BEAN1: variants seen among roughly 807,000 people sequenced by gnomAD.
BEAN1 encodes the protein brain expressed associated with NEDD4 1.
In BEAN1, 17 loss-of-function variants were observed where a neutral mutation model predicts 17.7. The ratio of observed to expected loss-of-function variants is 0.96; its 90% CI spans 0.66 to 1.44. The LOEUF is 1.44. BEAN1 is among the 40% of genes most tolerant of loss of function. The pLI is 0.00. For missense variants in BEAN1, 359 were observed against 374.1 expected (o/e 0.96, Z 0.33); for synonymous variants, 142 against 151.8 (o/e 0.94, Z 0.47).
chr16:66,450,882 A>G (rs1216857824), intron 2 of BEAN1: 2 of 152,238 alleles, frequency 1.3e-5, no homozygotes, highest in Non-Finnish European at 2.9e-5. Flanking sequence ...CTAGGTAAAT[A>G]TCACACATTT....
intron 2 of BEAN1, among the ~76,000 whole-genome samples, chr16:66,467,642 CTT>C (rs1236898546): frequency 6.6e-6 from 1 of 152,214 alleles, no homozygotes; most frequent in Non-Finnish European, 1.5e-5. Context: ...TGGAGTCACT[CTT>C]GTCTCCACAC....
chr16:66,464,382 C>G (rs545572839), intron 2 of BEAN1, among the ~76,000 whole-genome samples: 4 of 152,138 alleles, frequency 2.6e-5, no homozygotes, highest in African/African-American at 4.8e-5. Context: ...CGCTCTGTCA[C>G]CCAGAATGGA....
At position 66,481,519 on chromosome 16, in the gene BEAN1, T is replaced by C; in HGVS notation, c.*594T>C. 3.0e-6 allele frequency: 1 copy of C among 333,440 alleles called. No homozygotes were observed. Among genetic ancestry groups the C allele is most frequent in the Middle Eastern group, 7.7e-4 (1 of 1,298 alleles). The allele number at this position is 333,440 out of a possible 1,614,324, so 20.7% of individuals were successfully genotyped here. ...GCCACAACATCACCACCCTGCCACT[T>C]ACAAGGTGGGGGACCTGGGTCTGGG... On this transcript the variant is annotated 3_prime_UTR_variant, in exon 5 of 5. Coordinates refer to ENST00000536005, the MANE Select transcript of BEAN1 (RefSeq NM_001178020.3). The surrounding 1 kb of genome is among the most constrained non-coding windows in gnomAD (Gnocchi z 4.1).
intron 2 of BEAN1, among the ~76,000 whole-genome samples, chr16:66,453,323 G>T (rs529544426): frequency 1.3e-5 from 2 of 150,314 alleles, no homozygotes; most frequent in African/African-American, 2.5e-5. Context: ...ACTATGTTGT[G>T]TTTTTTTTCA....
chr16:66,474,557 AGAGG>A (rs1204256694), intron 3 of BEAN1, among the ~76,000 whole-genome samples: 1 of 75,932 alleles, frequency 1.3e-5, no homozygotes. Context: ...AGGGAGGGAG[AGAGG>A]GAGGGAGAGA....
rs1963985484 is a variant in BEAN1, at chr16:66,481,489, G to A, written c.*564G>A. The A allele has an allele frequency of 2.7e-6, 1 of 371,450 alleles. No individual in the cohort carries two copies. 23.0% of individuals were successfully genotyped at this position (371,450 alleles called of 1,614,324 possible). On this transcript the variant is annotated 3_prime_UTR_variant, in exon 5 of 5. Transcript: ENST00000536005. This position sits in a 1 kb window ranked among gnomAD's most constrained non-coding sequence, Gnocchi z 4.1. ...GTGCCTATCTCTCGATTCCAGGGCA[G>A]ATGAGCCACAACATCACCACCCTGC...
In BEAN1 at chr16:66,482,478, C is replaced by T. The variant is rs1185362530; in HGVS notation, c.*1553C>T. Reference sequence around the variant, plus strand: ...AAGTTCTGTAGCATCCTGCGTGCAGCCTCCTGGAGCCCCAGACTCCATCTG... The same window carrying T: ...AAGTTCTGTAGCATCCTGCGTGCAGTCTCCTGGAGCCCCAGACTCCATCTG... On this transcript the variant is annotated 3_prime_UTR_variant, in exon 5 of 5. Coordinates refer to ENST00000536005, the MANE Select transcript of BEAN1 (RefSeq NM_001178020.3). The T allele has an allele frequency of 5.4e-6, 1 of 185,442 alleles. No homozygotes were observed. Among genetic ancestry groups the T allele is most frequent in the African/African-American group, 2.4e-5 (1 of 41,644 alleles). The allele number at this position is 185,442 out of a possible 1,614,324, so 11.5% of individuals were successfully genotyped here.
In BEAN1 at chr16:66,444,669, G is replaced by T. The variant is rs142269468; in HGVS notation, c.25+6968G>T. Among the ~76,000 whole-genome samples the T allele has an allele frequency of 2.0e-5, 3 of 152,314 alleles. No homozygotes were observed. In the East Asian group the frequency reaches 5.8e-4, roughly 29 times the overall value. On this transcript the variant is annotated intron_variant, in intron 2 of 4. Coordinates refer to ENST00000536005, the MANE Select transcript of BEAN1 (RefSeq NM_001178020.3). ...TTTTGGAGCACACAGACCTGAGTTTGAATCTTGCTCACATCATTTGTGTAC... is the reference window on the plus strand; with the variant it reads ...TTTTGGAGCACACAGACCTGAGTTTTAATCTTGCTCACATCATTTGTGTAC...
chr16:66,436,480 G>A (rs530834246), intron 1 of BEAN1, among the ~76,000 whole-genome samples: 64 of 148,732 alleles, frequency 4.3e-4, no homozygotes, highest in Admixed American at 3.3e-3. Context: ...GGGTTTCACC[G>A]TGTTAGCCAG....
intron 1 of BEAN1, among the ~76,000 whole-genome samples, chr16:66,430,456 T>A (rs1253919580): frequency 3.9e-5 from 6 of 152,226 alleles, no homozygotes; most frequent in Non-Finnish European, 7.3e-5. Context: ...CTATGACTCA[T>A]CCTAATTGTA....
chr16:66,474,826 A>T (rs1320113439), intron 3 of BEAN1, among the ~76,000 whole-genome samples: 1 of 152,242 alleles, frequency 6.6e-6, no homozygotes, highest in East Asian at 1.9e-4. Context: ...CTTGAGCTTT[A>T]AGAGAGATCT....
chr16:66,485,458 C>T (rs978791882), downstream of BEAN1: 8 of 304,000 alleles, frequency 2.6e-5, no homozygotes, highest in African/African-American at 1.1e-4. Context: ...TAAGCTTCAT[C>T]GTCTGAGGAA....
rs138955160 is a variant in BEAN1, at chr16:66,438,067, G to A, written c.25+366G>A. 1,197 of 346,262 alleles carry A rather than the reference G, an allele frequency of 3.5e-3. 2 individuals are homozygous for A. Among genetic ancestry groups the A allele is most frequent in the African/African-American group, 0.011 (505 of 47,900 alleles). 21.4% of individuals were successfully genotyped at this position (346,262 alleles called of 1,614,324 possible). A position where few individuals can be genotyped will look rare whatever the true frequency, so the allele number is the denominator to read the frequency against. ...GTCATGTTAAGAAAGTTTTGCTCCTGCAAGACTTTCCTGAGCTTTTAATAT... is the reference window on the plus strand; with the variant it reads ...GTCATGTTAAGAAAGTTTTGCTCCTACAAGACTTTCCTGAGCTTTTAATAT... On this transcript the variant is annotated intron_variant, in intron 2 of 4. Coordinates refer to ENST00000536005, the MANE Select transcript of BEAN1 (RefSeq NM_001178020.3).
At chr16:66,433,101 T>G (rs1008320562) in intron 1 of BEAN1, among the ~76,000 whole-genome samples, 26 of 151,410 alleles carry the variant, frequency 1.7e-4, no homozygotes, top group Non-Finnish European at 3.2e-4. Context: ...ATTTATTTAT[T>G]TATTTTTATT....
intron 2 of BEAN1, among the ~76,000 whole-genome samples, chr16:66,445,688 G>C (rs778018072): frequency 6.6e-6 from 1 of 152,024 alleles, no homozygotes; most frequent in African/African-American, 2.4e-5. Flanking sequence ...TGAAGGCCAG[G>C]GTGCCTGAAG....
Position 66,480,853 on chromosome 16 carries a change from A to G in BEAN1, c.708A>G (p.Pro236=), listed in dbSNP as rs568073514. The part of the protein sequence containing the change: ...SGLLPLPGPD[P]GPRGSQGSPT... ...TGCTGCCACTGCCGGGCCCAGACCC[A>G]GGGCCAAGGGGCTCCCAGGGCTCAC... The change falls in exon 5 of 5, where the codon CCA becomes CCG. Residue 236 remains proline (P), a synonymous_variant. Coordinates refer to ENST00000536005, the MANE Select transcript of BEAN1 (RefSeq NM_001178020.3). The G allele has an allele frequency of 1.3e-6, 2 of 1,507,736 alleles. No homozygotes were observed. The highest frequency in any genetic ancestry group is 1.8e-6 in the Non-Finnish European group (2 of 1,122,044). The allele number at this position is 1,507,736 out of a possible 1,614,324, so 93.4% of individuals were successfully genotyped here. A position where few individuals can be genotyped will look rare whatever the true frequency, so the allele number is the denominator to read the frequency against.
chr16:66,451,333 C>T (rs1289407704), intron 2 of BEAN1: 1 of 152,228 alleles, frequency 6.6e-6, no homozygotes, highest in African/African-American at 2.4e-5. Flanking sequence ...CAAAATCTTT[C>T]ACTTGTTCCA....
intron 2 of BEAN1, among the ~76,000 whole-genome samples, chr16:66,447,247 G>A (rs911023830): frequency 2.0e-5 from 3 of 152,186 alleles, no homozygotes; most frequent in African/African-American, 7.2e-5. Context: ...CCCTAGGAAT[G>A]GGCCTAAGGA....
At chr16:66,480,152 G>A (rs903092307) in intron 4 of BEAN1, among the ~76,000 whole-genome samples, 1 of 152,118 alleles carries the variant, frequency 6.6e-6, no homozygotes, top group Non-Finnish European at 1.5e-5. Flanking sequence ...TGCATCTGTG[G>A]GTTCAGAGGG....
Sources: allele counts gnomAD v4.1 joint callset (sites outside exome capture counted in the v4.1 genomes callset), GRCh38; gene constraint gnomAD v4.1.1; non-coding constraint Gnocchi (gnomAD v3.1); transcripts MANE v1.5; gene names NCBI Gene and HGNC (gene_info 2026-07-23, HGNC 2026-07-21).